Variants in LINGO2 observed in about 807,000 individuals in gnomAD.
LINGO2 encodes leucine-rich repeat and immunoglobulin-like domain-containing nogo receptor-interacting protein 2.
LINGO2 carries 14 observed loss-of-function variants against 30.6 expected under a neutral mutation model. The ratio of observed to expected loss-of-function variants is 0.46; its 90% CI spans 0.30 to 0.72. The LOEUF (loss-of-function observed/expected upper bound fraction) is 0.72, where lower values mean the gene tolerates loss of function less well. Among genes scored for constraint, LINGO2 ranks in the 30% least tolerant of loss-of-function variants. The pLI is 0.07. For missense variants in LINGO2, 729 were observed against 751.7 expected, an observed-to-expected ratio of 0.97 and a Z score of 0.35; for synonymous variants, 317 against 288.5, an observed-to-expected ratio of 1.10 and a Z score of -1.00.
chr9:28,864,831 T>C, the LINGO2 span, among the ~76,000 whole-genome samples: 2 of 152,144 alleles, frequency 1.3e-5, no homozygotes, highest in East Asian at 3.9e-4. Context: ...AAAATATTTG[T>C]TTTGCGCTTA....
chr9:28,341,581 C>T (rs1178454782), intron 3 of LINGO2, among the ~76,000 whole-genome samples: 1 of 152,106 alleles, frequency 6.6e-6, no homozygotes, highest in Non-Finnish European at 1.5e-5. Context: ...AAAAGATGCA[C>T]TTGTACAGTA....
the LINGO2 span, among the ~76,000 whole-genome samples, chr9:29,061,708 A>C: frequency 1.4e-4 from 21 of 152,182 alleles, no homozygotes; most frequent in African/African-American, 4.3e-4. Flanking sequence ...CTTAAATATA[A>C]GAACTATAAA....
chr9:28,321,667 T>C (rs1016705399), intron 3 of LINGO2, among the ~76,000 whole-genome samples: 1 of 152,196 alleles, frequency 6.6e-6, no homozygotes, highest in Non-Finnish European at 1.5e-5. Context: ...ACAGAGACTA[T>C]AGGACCTGTC....
In LINGO2 at chr9:28,469,218, T is replaced by C. The variant is rs116843602; in HGVS notation, c.-279+6722A>G. On this transcript the variant is annotated intron_variant, in intron 2 of 5. Transcript: ENST00000379992. ...AACCTTGAACAAGCAAAGAAAAGAA[T>C]CAGTGAACCTGAAGGAAAGTCACCT... Among the ~76,000 whole-genome samples the C allele has an allele frequency of 3.8e-3, 555 of 147,012 alleles. 1 individual carries two copies. The highest frequency in any genetic ancestry group is 6.8e-3 in the Non-Finnish European group (455 of 66,594).
chr9:29,180,722 C>T, the LINGO2 span, among the ~76,000 whole-genome samples: 3 of 152,128 alleles, frequency 2.0e-5, no homozygotes, highest in Non-Finnish European at 4.4e-5. Flanking sequence ...CTGAAGGTAT[C>T]TGAAAACATC....
At chr9:28,875,272 C>T in the LINGO2 span, among the ~76,000 whole-genome samples, 2 of 152,028 alleles carry the variant, frequency 1.3e-5, no homozygotes, top group Non-Finnish European at 2.9e-5. Context: ...ACATCTGCTT[C>T]ATCTCTTTTT....
intron 5 of LINGO2, among the ~76,000 whole-genome samples, chr9:27,979,869 C>G (rs562601428): frequency 3.9e-5 from 6 of 152,076 alleles, no homozygotes; most frequent in African/African-American, 1.4e-4. Flanking sequence ...GCAAACTAAA[C>G]CCTTAATGTA....
At chr9:28,707,658 C>T in the LINGO2 span, among the ~76,000 whole-genome samples, 4 of 152,030 alleles carry the variant, frequency 2.6e-5, no homozygotes, top group African/African-American at 9.7e-5. Context: ...ATGATCCTGT[C>T]CTCCCACTGT....
intron 3 of LINGO2, among the ~76,000 whole-genome samples, chr9:28,364,976 GC>G (rs1384802458): frequency 2.0e-5 from 3 of 152,152 alleles, no homozygotes; most frequent in African/African-American, 7.2e-5. Flanking sequence ...AGAATAGGAT[GC>G]TTTTATTTGA....
the LINGO2 span, among the ~76,000 whole-genome samples, chr9:28,727,414 T>G: frequency 6.4e-3 from 966 of 152,090 alleles, 24 homozygotes; most frequent in East Asian, 0.036. Context: ...GCCTCCCGAG[T>G]AGCTGGGACT....
chr9:28,076,777 T>G (rs1285717521), intron 4 of LINGO2, among the ~76,000 whole-genome samples: 7 of 152,152 alleles, frequency 4.6e-5, no homozygotes, highest in Admixed American at 2.0e-4. Context: ...AAAGGTCCAT[T>G]CCACTGGCTT....
intron 4 of LINGO2, among the ~76,000 whole-genome samples, chr9:28,292,974 A>G (rs10968445): frequency 0.072 from 10,958 of 151,600 alleles, 707 homozygotes; most frequent in East Asian, 0.39. Flanking sequence ...GGGTTTCACC[A>G]TGTTAGCCAG....
chr9:28,773,167 T>C, the LINGO2 span, among the ~76,000 whole-genome samples: 1 of 152,002 alleles, frequency 6.6e-6, no homozygotes, highest in East Asian at 1.9e-4. Context: ...AGATCGAGAC[T>C]GTCCTGGCTA....
At chr9:28,883,628 GTATATATATATATATATATATA>G in the LINGO2 span, among the ~76,000 whole-genome samples, 10 of 64,160 alleles carry the variant, frequency 1.6e-4, no homozygotes, top group South Asian at 6.3e-4. Flanking sequence ...ATGTGTGTGT[GTATATATATATATATATATATA>G]TATATATATA....
chr9:28,797,359 T>TAGAGAGAGAGAG, the LINGO2 span, among the ~76,000 whole-genome samples: 332 of 34,182 alleles, frequency 9.7e-3, 10 homozygotes, highest in East Asian at 0.017. Context: ...TATATATATA[T>TAGAGAGAGAGAG]AGAGAGAGAG....
In LINGO2 at chr9:28,063,753, C is replaced by T. The variant is rs189411575; in HGVS notation, c.-86-51348G>A. On this transcript the variant is annotated intron_variant, in intron 4 of 5. Coordinates refer to ENST00000379992, the Ensembl canonical transcript of LINGO2. ...AACTCTATAAAAATGGTTTATATTT[C>T]TCCAAGACCATTTTCCTAAGTTACT... Among the ~76,000 whole-genome samples, 369 of 152,224 alleles carry T rather than the reference C, an allele frequency of 2.4e-3. 3 individuals carry two copies. Among genetic ancestry groups the T allele is most frequent in the African/African-American group, 8.6e-3 (356 of 41,548 alleles).
At chr9:28,089,626 T>C (rs1826016161) in intron 4 of LINGO2, among the ~76,000 whole-genome samples, 1 of 152,036 alleles carries the variant, frequency 6.6e-6, no homozygotes, top group Non-Finnish European at 1.5e-5. Context: ...AGATCTAAAA[T>C]TGACAACCTA....
chr9:28,975,820 C>T, the LINGO2 span, among the ~76,000 whole-genome samples: 98,902 of 151,922 alleles, frequency 0.65, 32,790 homozygotes, highest in Non-Finnish European at 0.72. Context: ...GAAGTAGTTA[C>T]AATGTATTTG....
chr9:28,693,420 G>T, the LINGO2 span, among the ~76,000 whole-genome samples: 4 of 152,044 alleles, frequency 2.6e-5, no homozygotes, highest in Non-Finnish European at 5.9e-5. Context: ...TACACTTTAC[G>T]AGGTATTTGA....
Sources: allele counts gnomAD v4.1 joint callset (sites outside exome capture counted in the v4.1 genomes callset), GRCh38; gene constraint gnomAD v4.1.1; transcripts MANE v1.5; gene names NCBI Gene and HGNC (gene_info 2026-07-23, HGNC 2026-07-21).